RBFOX1: variants seen among roughly 807,000 people sequenced by gnomAD.
RBFOX1 encodes RNA binding protein fox-1 homolog 1.
RBFOX1 carries 8 observed loss-of-function variants against 57.7 expected under a neutral mutation model. The ratio of observed to expected loss-of-function variants is 0.14; its 90% CI spans 0.08 to 0.25. RBFOX1 has a LOEUF of 0.25. Among genes scored for constraint, RBFOX1 ranks in the 10% least tolerant of loss-of-function variants. RBFOX1 has a pLI of 1.00. For synonymous variants in RBFOX1, 326 were observed against 222.4 expected (o/e 1.47, Z -4.15); for missense variants, 611 against 548.5 (o/e 1.11, Z -1.14).
At position 6,675,686 on chromosome 16, in the gene RBFOX1, A is replaced by G. The variant is rs183782984; in HGVS notation, c.-16+21036A>G. Among the ~76,000 whole-genome samples the G allele has an allele frequency of 2.0e-5, 3 of 152,322 alleles. 1 individual carries two copies. The highest frequency in any genetic ancestry group is 7.2e-5 in the African/African-American group (3 of 41,576). On this transcript the variant is annotated intron_variant, in intron 3 of 15. Transcript: ENST00000550418. ...ATGGCAGAAGGAAAGCATGTGTTAC[A>G]TGGCGGCAGGCAAGAGAGAATGAGA...
intron 2 of RBFOX1, among the ~76,000 whole-genome samples, chr16:6,629,816 C>G (rs989840210): frequency 6.6e-6 from 1 of 152,168 alleles, no homozygotes; most frequent in Admixed American, 6.5e-5. Flanking sequence ...CATTTAAGAT[C>G]CTTTTAATCA....
At chr16:7,644,150 C>A (rs1464324984) in intron 11 of RBFOX1, among the ~76,000 whole-genome samples, 2 of 152,134 alleles carry the variant, frequency 1.3e-5, no homozygotes, top group Non-Finnish European at 2.9e-5. Context: ...TGGATAAAAT[C>A]ATAGGCTTTG....
At chr16:7,297,029 C>T (rs965007554) in intron 4 of RBFOX1, among the ~76,000 whole-genome samples, 3 of 152,114 alleles carry the variant, frequency 2.0e-5, no homozygotes, top group African/African-American at 7.2e-5. Flanking sequence ...ATCCCGTTTT[C>T]CAAGCTTGCA....
chr16:6,619,585 C>A (rs996076595), intron 2 of RBFOX1, among the ~76,000 whole-genome samples: 6 of 151,876 alleles, frequency 4.0e-5, no homozygotes, highest in African/African-American at 7.3e-5. Flanking sequence ...TCTCATGAAA[C>A]CTATGCGTCT....
At position 6,378,429 on chromosome 16, in the gene RBFOX1, G is replaced by A. The variant is rs574744000; in HGVS notation, c.-64+61372G>A. Among the ~76,000 whole-genome samples the A allele has an allele frequency of 1.6e-4, 25 of 152,318 alleles. No homozygotes were observed. The East Asian group carries it at 4.3e-3, about 26-fold the overall frequency. On this transcript the variant is annotated intron_variant, in intron 2 of 15. Transcript: ENST00000550418. Reference sequence around the variant, plus strand: ...CTGTCAGCATGCTGGAAGCAGCACCGATGGAGGTTGTTGAGCAGGGTTGCA... The same window carrying A: ...CTGTCAGCATGCTGGAAGCAGCACCAATGGAGGTTGTTGAGCAGGGTTGCA...
intron 4 of RBFOX1, among the ~76,000 whole-genome samples, chr16:7,248,208 C>G (rs1353128874): frequency 6.6e-6 from 1 of 152,286 alleles, no homozygotes; most frequent in East Asian, 1.9e-4. Flanking sequence ...GATAGGGTCC[C>G]TGTGATGTTT....
At chr16:6,485,827 G>GT (rs1368160237) in intron 2 of RBFOX1, among the ~76,000 whole-genome samples, 3 of 152,008 alleles carry the variant, frequency 2.0e-5, no homozygotes, top group Non-Finnish European at 4.4e-5. Flanking sequence ...TCAAACTTCT[G>GT]TTTTTCCTAT....
At chr16:7,447,037 C>G (rs1184341031) in intron 4 of RBFOX1, among the ~76,000 whole-genome samples, 1 of 151,698 alleles carries the variant, frequency 6.6e-6, no homozygotes, top group Non-Finnish European at 1.5e-5. Context: ...TGGTCTTGAT[C>G]TCATGACCTT....
intron 2 of RBFOX1, among the ~76,000 whole-genome samples, chr16:6,619,687 C>CTTTT (rs34849467): frequency 8.5e-6 from 1 of 117,946 alleles, no homozygotes; most frequent in Non-Finnish European, 1.7e-5. Flanking sequence ...TGTTGGTTTC[C>CTTTT]TTTTTTTTTT....
intron 4 of RBFOX1, among the ~76,000 whole-genome samples, chr16:7,208,222 G>C (rs1159836446): frequency 1.3e-5 from 2 of 152,198 alleles, no homozygotes; most frequent in Admixed American, 1.3e-4. Flanking sequence ...TAATCGGCCA[G>C]ATTGTCCCTC....
chr16:6,309,963 C>G (rs1051918558), intron 1 of RBFOX1, among the ~76,000 whole-genome samples: 2 of 152,190 alleles, frequency 1.3e-5, no homozygotes, highest in Non-Finnish European at 2.9e-5. Flanking sequence ...GTGGCACGAT[C>G]TCAGCTCACT....
At chr16:5,506,916 G>C (rs1274974240) in intron 2 of RBFOX1, among the ~76,000 whole-genome samples, 1 of 151,986 alleles carries the variant, frequency 6.6e-6, no homozygotes, top group Non-Finnish European at 1.5e-5. Flanking sequence ...CCAATCTGGA[G>C]TCCCCCCTAC....
intron 3 of RBFOX1, among the ~76,000 whole-genome samples, chr16:7,031,013 A>G (rs1003745177): frequency 2.6e-5 from 4 of 152,188 alleles, no homozygotes; most frequent in African/African-American, 9.6e-5. Flanking sequence ...GAGGACCTTT[A>G]TGACCTAGTT....
At chr16:6,015,485 C>A (rs867451163), upstream of RBFOX1, among the ~76,000 whole-genome samples, 1 of 152,194 alleles carries the variant, frequency 6.6e-6, no homozygotes, top group Non-Finnish European at 1.5e-5. Context: ...AAAGCAAATA[C>A]GCCTTACAAA....
chr16:7,281,446 C>T (rs764238240), intron 4 of RBFOX1, among the ~76,000 whole-genome samples: 1 of 152,002 alleles, frequency 6.6e-6, no homozygotes, highest in Non-Finnish European at 1.5e-5. Flanking sequence ...GTCCTCTCTT[C>T]TATAAAACAC....
At chr16:5,893,231 T>C (rs545226935) in intron 4 of RBFOX1, among the ~76,000 whole-genome samples, 1 of 152,310 alleles carries the variant, frequency 6.6e-6, no homozygotes, top group Admixed American at 6.5e-5. Context: ...AACACATAAT[T>C]TTGCACTCTG....
chr16:6,910,281 T>A (rs981843327), intron 3 of RBFOX1, among the ~76,000 whole-genome samples: 1 of 152,166 alleles, frequency 6.6e-6, no homozygotes, highest in Non-Finnish European at 1.5e-5. Flanking sequence ...TCCAGAATCG[T>A]GTAGGGAGTT....
chr16:7,347,791 G>A (rs954836225), intron 4 of RBFOX1, among the ~76,000 whole-genome samples: 1 of 152,262 alleles, frequency 6.6e-6, no homozygotes, highest in African/African-American at 2.4e-5. Context: ...TGTATTTGCA[G>A]CCCGTTCAAA....
chr16:6,859,498 C>G (rs963455450), intron 3 of RBFOX1, among the ~76,000 whole-genome samples: 15 of 152,004 alleles, frequency 9.9e-5, no homozygotes, highest in Middle Eastern at 3.4e-3. Context: ...GTCTACTGCC[C>G]TAATGCCCAT....
Sources: gnomAD v4.1 joint callset for allele counts (sites outside exome capture counted in the v4.1 genomes callset) on GRCh38, gnomAD v4.1.1 for gene constraint, MANE v1.5 for transcripts, NCBI Gene and HGNC (gene_info 2026-07-23, HGNC 2026-07-21) for gene names.